The following CHRM5 variants were observed in gnomAD, a reference collection of about 807,000 sequenced individuals.
CHRM5 encodes the protein cholinergic receptor muscarinic 5, also known as muscarinic acetylcholine receptor M5.
In CHRM5, 18 loss-of-function variants were observed where a neutral mutation model predicts 39.0. The ratio of observed to expected loss-of-function variants is 0.46; its 90% confidence interval spans 0.32 to 0.68. The LOEUF (loss-of-function observed/expected upper bound fraction) is 0.68, where lower values mean the gene tolerates loss of function less well. Among genes scored for constraint, CHRM5 ranks in the 30% least tolerant of loss-of-function variants. CHRM5 has a pLI of 0.04. For synonymous variants in CHRM5, 241 were observed against 246.3 expected (o/e 0.98, Z 0.20); for missense variants, 515 against 651.1 (o/e 0.79, Z 2.28).
chr15:34,037,566 T>C (rs1899205416), intron 1 of CHRM5, among the ~76,000 whole-genome samples: 1 of 149,334 alleles, frequency 6.7e-6, no homozygotes, highest in Admixed American at 6.7e-5. Context: ...ATATATATAA[T>C]AGAGTTATAA....
At chr15:34,055,782 C>T (rs76222469) in intron 2 of CHRM5, among the ~76,000 whole-genome samples, 3,258 of 151,990 alleles carry the variant, frequency 0.021, 91 homozygotes, top group African/African-American at 0.053. Context: ...GCCTGGGCGA[C>T]GGAGCAAGAC....
intron 1 of CHRM5, among the ~76,000 whole-genome samples, chr15:34,025,112 A>G (rs1898397470): frequency 6.6e-6 from 1 of 151,724 alleles, no homozygotes; most frequent in Non-Finnish European, 1.5e-5. Flanking sequence ...AGAGGATGCA[A>G]TAAGCAGAGA....
intron 1 of CHRM5, among the ~76,000 whole-genome samples, chr15:33,979,447 T>C (rs592585): frequency 0.78 from 118,529 of 152,100 alleles, 53,519 homozygotes; most frequent in East Asian, 0.98. Context: ...AGGTTGAGGC[T>C]GCACTCCAGC....
intron 1 of CHRM5, chr15:33,990,640 C>A (rs961753711): frequency 6.6e-6 from 1 of 152,184 alleles, no homozygotes; most frequent in African/African-American, 2.4e-5. Flanking sequence ...TGCTAGCGAT[C>A]CTATGGCTCG....
intron 1 of CHRM5, among the ~76,000 whole-genome samples, chr15:34,001,819 G>A (rs984662626): frequency 6.6e-6 from 1 of 152,156 alleles, no homozygotes; most frequent in Non-Finnish European, 1.5e-5. Context: ...ATTGTTCTTA[G>A]TCTGGTGCCA....
intron 1 of CHRM5, among the ~76,000 whole-genome samples, chr15:33,977,144 C>T (rs1895919815): frequency 6.6e-6 from 1 of 152,084 alleles, no homozygotes; most frequent in African/African-American, 2.4e-5. Context: ...TAACAAAATC[C>T]GCACTACCTT....
intron 1 of CHRM5, among the ~76,000 whole-genome samples, chr15:34,017,497 T>TGG (rs1555516617): frequency 4.5e-5 from 6 of 133,404 alleles, no homozygotes; most frequent in East Asian, 2.2e-4. Context: ...TTTTTTTTTT[T>TGG]TTTGAGACAG....
intron 1 of CHRM5, among the ~76,000 whole-genome samples, chr15:33,977,982 A>G (rs1895957567): frequency 6.9e-6 from 1 of 144,744 alleles, no homozygotes; most frequent in Admixed American, 6.9e-5. Flanking sequence ...AAAAGGAAAA[A>G]GAAAGGAAGA....
At chr15:34,055,940 C>T (rs972964727) in intron 2 of CHRM5, among the ~76,000 whole-genome samples, 1 of 152,100 alleles carries the variant, frequency 6.6e-6, no homozygotes, top group Non-Finnish European at 1.5e-5. Flanking sequence ...ATTACAAAAT[C>T]CTGGTGACCT....
intron 1 of CHRM5, among the ~76,000 whole-genome samples, chr15:34,006,305 C>T (rs1030449965): frequency 3.6e-5 from 5 of 140,312 alleles, no homozygotes; most frequent in African/African-American, 7.9e-5. Flanking sequence ...AGCGAGACTC[C>T]GTCTCAAAAA....
At chr15:34,050,516 G>A (rs181285985) in intron 2 of CHRM5, among the ~76,000 whole-genome samples, 4 of 152,170 alleles carry the variant, frequency 2.6e-5, no homozygotes, top group African/African-American at 7.2e-5. Context: ...AACCTTAAAC[G>A]TAAATAGGCT....
chr15:34,002,814 CTT>C (rs2140626453), intron 1 of CHRM5, among the ~76,000 whole-genome samples: 1 of 152,318 alleles, frequency 6.6e-6, no homozygotes, highest in South Asian at 2.1e-4. Flanking sequence ...ATCGCAAAGA[CTT>C]TAGTCATTCT....
chr15:34,058,326 T>C (rs1900227026), intron 2 of CHRM5, among the ~76,000 whole-genome samples: 1 of 152,070 alleles, frequency 6.6e-6, no homozygotes, highest in Non-Finnish European at 1.5e-5. Flanking sequence ...TATTGATAAA[T>C]AAAAAATTAC....
intron 2 of CHRM5, among the ~76,000 whole-genome samples, chr15:34,059,536 C>A (rs1307119936): frequency 3.9e-5 from 6 of 152,130 alleles, no homozygotes; most frequent in Non-Finnish European, 8.8e-5. Context: ...TCTCTTAGGT[C>A]CTCTCCTGTC....
At chr15:34,043,118 G>A (rs1899545828) in intron 1 of CHRM5, among the ~76,000 whole-genome samples, 1 of 151,966 alleles carries the variant, frequency 6.6e-6, no homozygotes, top group African/African-American at 2.4e-5. Flanking sequence ...ATGGTGACGG[G>A]CGCCTGTAGT....
At chr15:34,056,258 T>C (rs1200655297) in intron 2 of CHRM5, among the ~76,000 whole-genome samples, 1 of 152,204 alleles carries the variant, frequency 6.6e-6, no homozygotes, top group East Asian at 1.9e-4. Context: ...CTTAATTCCA[T>C]ATATGGAGAA....
intron 2 of CHRM5, among the ~76,000 whole-genome samples, chr15:34,060,761 T>G (rs1272630264): frequency 6.6e-6 from 1 of 152,148 alleles, no homozygotes; most frequent in Non-Finnish European, 1.5e-5. Flanking sequence ...TCCCAGCTAC[T>G]CAGGAGGCTG....
chr15:34,047,311 T>A (rs1004027243), intron 2 of CHRM5, among the ~76,000 whole-genome samples: 1 of 152,124 alleles, frequency 6.6e-6, no homozygotes, highest in African/African-American at 2.4e-5. Context: ...TCTCCTGACC[T>A]GATGATCCGC....
In CHRM5 at chr15:34,017,473, A is replaced by AT. The variant is rs200988059; in HGVS notation, c.-407-29057dup. On this transcript the variant is annotated intron_variant, in intron 1 of 2. Transcript: ENST00000383263. ...AACCAAGATAAGTGATTTCAGTATGATTTTTTTTTTGTTTTTTTTTTTTTT... is the reference window on the plus strand; with the variant it reads ...AACCAAGATAAGTGATTTCAGTATGATTTTTTTTTTTGTTTTTTTTTTTTTT... Among the ~76,000 whole-genome samples the AT allele has an allele frequency of 1.7e-3, 176 of 101,404 alleles. 1 individual carries two copies. The highest frequency in any genetic ancestry group is 5.4e-3 in the Middle Eastern group (1 of 184). The allele number at this position is 101,404 out of a possible 152,430, so 66.5% of individuals were successfully genotyped here.
Sources: gnomAD v4.1 joint callset for allele counts (sites outside exome capture counted in the v4.1 genomes callset) on GRCh38, gnomAD v4.1.1 for gene constraint, MANE v1.5 for transcripts, NCBI Gene and HGNC (gene_info 2026-07-23, HGNC 2026-07-21) for gene names.